C3orf70: variants seen among roughly 807,000 people sequenced by gnomAD.
C3orf70 encodes chromosome 3 open reading frame 70, also known as UPF0524 protein C3orf70.
In C3orf70, 15 loss-of-function variants were observed where a neutral mutation model predicts 20.7. That is an observed-to-expected ratio of 0.72 (90% CI 0.48 to 1.11). The LOEUF (loss-of-function observed/expected upper bound fraction) is 1.11, where lower values mean the gene tolerates loss of function less well. C3orf70 is among the 50% of genes most tolerant of loss of function. The probability of loss-of-function intolerance (pLI) is 0.00; values close to 1 mark genes in which losing one functional copy is unlikely to be tolerated. For missense variants in C3orf70, 332 were observed against 317.6 expected, an observed-to-expected ratio of 1.05 and a Z score of -0.34; for synonymous variants, 161 against 125.7, an observed-to-expected ratio of 1.28 and a Z score of -1.88.
At chr3:185,093,514 G>A (rs1056831658) in intron 1 of C3orf70, among the ~76,000 whole-genome samples, 2 of 152,154 alleles carry the variant, frequency 1.3e-5, no homozygotes, top group Non-Finnish European at 2.9e-5. Context: ...GCAACCACCA[G>A]TGAACAACTA....
At chr3:185,146,495 C>T (rs10937206) in intron 1 of C3orf70, among the ~76,000 whole-genome samples, 123,221 of 151,440 alleles carry the variant, frequency 0.81, 50,213 homozygotes, top group Non-Finnish European at 0.84. Flanking sequence ...TCCATGTTGG[C>T]CAGGCTGGTC....
At chr3:185,089,182 G>A (rs1293620224) in intron 1 of C3orf70, among the ~76,000 whole-genome samples, 1 of 151,974 alleles carries the variant, frequency 6.6e-6, no homozygotes, top group African/African-American at 2.4e-5. Flanking sequence ...AACATATTTG[G>A]AGACTTTTTT....
intron 1 of C3orf70, among the ~76,000 whole-genome samples, chr3:185,126,338 T>C (rs1370684223): frequency 3.3e-5 from 5 of 152,100 alleles, no homozygotes; most frequent in African/African-American, 9.7e-5. Context: ...CTAGGTAAAA[T>C]AGCCTAGAGA....
chr3:185,090,619 TTA>T (rs1363723515), intron 1 of C3orf70, among the ~76,000 whole-genome samples: 3 of 151,928 alleles, frequency 2.0e-5, no homozygotes, highest in South Asian at 4.1e-4. Flanking sequence ...TGAATTATAA[TTA>T]TGTTTATTTT....
chr3:185,092,681 A>C (rs186814454), intron 1 of C3orf70, among the ~76,000 whole-genome samples: 3 of 152,320 alleles, frequency 2.0e-5, no homozygotes, highest in East Asian at 3.9e-4. Context: ...GTAAGAAAGT[A>C]AAGTCAGTGA....
intron 1 of C3orf70, among the ~76,000 whole-genome samples, chr3:185,150,194 T>C (rs1007600296): frequency 6.6e-5 from 10 of 152,164 alleles, no homozygotes; most frequent in African/African-American, 2.2e-4. Flanking sequence ...GTTTGAACAA[T>C]CATAACTAAC....
chr3:185,152,710 G>C lies in C3orf70; in HGVS notation c.114C>G (p.Cys38Trp). Residue 38 changes from cysteine (C) to tryptophan (W), a missense_variant, in exon 1 of 2, where the codon TGC becomes TGG. Coordinates refer to ENST00000335012, the MANE Select transcript of C3orf70 (RefSeq NM_001025266.3). ...GCGTGGCACAGATAGACAGCCCGTC[G>C]CACGGCTGGAAGTCGGGTCTGCGGG... ...CAARRPDFQP[C>W]DGLSICATHS... is the part of the protein sequence containing the mutation. 1 of 1,593,008 alleles carries C rather than the reference G, an allele frequency of 6.3e-7. No individual in the cohort carries two copies. Among genetic ancestry groups the C allele is most frequent in the Non-Finnish European group, 8.5e-7 (1 of 1,170,338 alleles).
At chr3:185,141,153 T>C (rs1716743326) in intron 1 of C3orf70, among the ~76,000 whole-genome samples, 1 of 152,078 alleles carries the variant, frequency 6.6e-6, no homozygotes, top group Admixed American at 6.5e-5. Context: ...AACAAACTTC[T>C]ATTGTTTATA....
At chr3:185,100,447 T>C (rs913784524) in intron 1 of C3orf70, among the ~76,000 whole-genome samples, 7 of 152,138 alleles carry the variant, frequency 4.6e-5, no homozygotes, top group African/African-American at 1.7e-4. Flanking sequence ...TGAGTGAATT[T>C]TGGGTAAATA....
chr3:185,119,080 A>G (rs1716239639), intron 1 of C3orf70, among the ~76,000 whole-genome samples: 1 of 152,190 alleles, frequency 6.6e-6, no homozygotes, highest in African/African-American at 2.4e-5. Flanking sequence ...TGTTTTTCCA[A>G]TGAGTCTTTA....
intron 1 of C3orf70, among the ~76,000 whole-genome samples, chr3:185,146,699 T>C (rs921429747): frequency 7.2e-5 from 11 of 152,218 alleles, no homozygotes; most frequent in Non-Finnish European, 1.3e-4. Context: ...AACACGTTTT[T>C]TGTAGCTATT....
At chr3:185,100,850 G>T (rs61619676) in intron 1 of C3orf70, among the ~76,000 whole-genome samples, 5,872 of 151,744 alleles carry the variant, frequency 0.039, 337 homozygotes, top group African/African-American at 0.13. Context: ...AATGGCAAAG[G>T]GCATATTACA....
chr3:185,083,616 C>T (rs1715401481), intron 1 of C3orf70, 53 bp from the exon 2 acceptor site: 7 of 1,458,356 alleles, frequency 4.8e-6, no homozygotes, highest in Non-Finnish European at 6.4e-6. Flanking sequence ...ACTATATTAA[C>T]ATGGCCATAA....
rs76048076 is a variant in C3orf70 at position 185,115,988 on chromosome 3, G to A, written c.197-32425C>T. 7.0e-3 allele frequency among the ~76,000 whole-genome samples: 1,069 copies of A among 152,262 alleles called. 17 individuals carry two copies. Among genetic ancestry groups the A allele is most frequent in the African/African-American group, 0.025 (1,023 of 41,544 alleles). On this transcript the variant is annotated intron_variant, in intron 1 of 1. Transcript: ENST00000335012. ...AGGATTTCAATATATGAATTTGGAC[G>A]GTGGGGGACCAAACATTCAGTCCCT...
chr3:185,084,276 A>T (rs969171652), intron 1 of C3orf70, among the ~76,000 whole-genome samples: 2 of 151,884 alleles, frequency 1.3e-5, no homozygotes, highest in African/African-American at 4.8e-5. Context: ...TAATGTATAT[A>T]TTTTTCCAGT....
intron 1 of C3orf70, among the ~76,000 whole-genome samples, chr3:185,135,502 T>C (rs1178256059): frequency 2.0e-5 from 3 of 152,048 alleles, no homozygotes; most frequent in Non-Finnish European, 4.4e-5. Flanking sequence ...GGGAAAGATG[T>C]GGGGAGGGGA....
chr3:185,103,527 C>CA (rs549700678), intron 1 of C3orf70, among the ~76,000 whole-genome samples: 114 of 150,950 alleles, frequency 7.6e-4, no homozygotes, highest in African/African-American at 2.5e-3. Context: ...AAAAAGTGGG[C>CA]AAAAAACATG....
chr3:185,150,251 C>T (rs1218448886), intron 1 of C3orf70, among the ~76,000 whole-genome samples: 1 of 152,172 alleles, frequency 6.6e-6, no homozygotes, highest in African/African-American at 2.4e-5. Context: ...CAGTTCTACC[C>T]GCAAGCTTCA....
intron 1 of C3orf70, among the ~76,000 whole-genome samples, chr3:185,132,641 G>T (rs1013436305): frequency 6.6e-6 from 1 of 152,088 alleles, no homozygotes; most frequent in Non-Finnish European, 1.5e-5. Context: ...AAGTGAAAAC[G>T]TATAATACAT....
Sources: gnomAD v4.1 joint callset for allele counts (sites outside exome capture counted in the v4.1 genomes callset) on GRCh38, gnomAD v4.1.1 for gene constraint, MANE v1.5 for transcripts, NCBI Gene and HGNC (gene_info 2026-07-23, HGNC 2026-07-21) for gene names.